CADM4: variants seen among roughly 807,000 people sequenced by gnomAD.
CADM4 encodes the protein cell adhesion molecule 4, also known as TSLC1-like 2.
CADM4 carries 13 observed loss-of-function variants against 43.9 expected under a neutral mutation model. The ratio of observed to expected loss-of-function variants is 0.30; its 90% confidence interval spans 0.19 to 0.47. CADM4 has a LOEUF of 0.47. CADM4 is among the 20% of genes least tolerant of loss of function. The probability of loss-of-function intolerance (pLI) is 1.00; values close to 1 mark genes in which losing one functional copy is unlikely to be tolerated. For missense variants in CADM4, 420 were observed against 527.0 expected, an observed-to-expected ratio of 0.80 and a Z score of 1.99; for synonymous variants, 209 against 220.9, an observed-to-expected ratio of 0.95 and a Z score of 0.48.
Position 43,626,147 on chromosome 19 carries a change from G to C in CADM4, c.641C>G (p.Thr214Arg). Reference sequence around the variant, plus strand: ...ACACTGCACATCCAGCACGTACTGCGTCTGCTTGCTGTGTCCGGAGGGCAG... The same window carrying C: ...ACACTGCACATCCAGCACGTACTGCCTCTGCTTGCTGTGTCCGGAGGGCAG... ...QALPSGHSKQ[T>R]QYVLDVQYSP... The change falls in exon 5 of 9, where the codon ACG becomes AGG. Residue 214 changes from threonine (T) to arginine (R), a missense_variant. Transcript: ENST00000222374. This position sits in a 1 kb window ranked among gnomAD's most constrained non-coding sequence, Gnocchi z 5.9. 1 of 1,613,936 alleles carries C rather than the reference G, an allele frequency of 6.2e-7. No homozygotes were observed. The highest frequency in any genetic ancestry group is 2.2e-5 in the East Asian group (1 of 44,872).
Position 43,623,752 on chromosome 19 carries a change from T to C in CADM4, c.1058-313A>G, listed in dbSNP as rs1324597220. 3.3e-5 allele frequency among the ~76,000 whole-genome samples: 5 copies of C among 152,158 alleles called. No individual in the cohort carries two copies. The highest frequency in any genetic ancestry group is 2.6e-4 in the Admixed American group (4 of 15,282). On this transcript the variant is annotated intron_variant, in intron 8 of 8. Transcript: ENST00000222374. This position sits in a 1 kb window ranked among gnomAD's most constrained non-coding sequence, Gnocchi z 4.4. Reference sequence around the variant, plus strand: ...ATTGTTTTATTCAAATCCATGCTCTTTTTTTCCCCTAATTTTTTGTATTTT... The same window carrying C: ...ATTGTTTTATTCAAATCCATGCTCTCTTTTTCCCCTAATTTTTTGTATTTT...
In CADM4 at chr19:43,627,939, TC is replaced by T; in HGVS notation, c.65-150del. 1.3e-6 allele frequency: 1 copy of T among 784,886 alleles called. No individual in the cohort carries two copies. 48.6% of individuals were successfully genotyped at this position (784,886 alleles called of 1,614,324 possible). ...ACTGAACATTTCCTGCAGGCTAGAG[TC>T]CAGGACAGGGAGGAAATCTGCTCCC... On this transcript the variant is annotated intron_variant, in intron 1 of 8. Coordinates refer to ENST00000222374, the MANE Select transcript of CADM4 (RefSeq NM_145296.2). This position sits in a 1 kb window ranked among gnomAD's most constrained non-coding sequence, Gnocchi z 4.0.
At chr19:43,636,726 A>G (rs1460711111) in intron 1 of CADM4, among the ~76,000 whole-genome samples, 1 of 126,674 alleles carries the variant, frequency 7.9e-6, no homozygotes, top group Non-Finnish European at 1.6e-5. Context: ...CTTGGAATCC[A>G]CTGCAGAACC....
chr19:43,627,615 G>A lies in CADM4; in HGVS notation c.211+29C>T. The A allele has an allele frequency of 6.3e-7, 1 of 1,597,566 alleles. No homozygotes were observed. Among genetic ancestry groups the A allele is most frequent in the Non-Finnish European group, 8.6e-7 (1 of 1,166,954 alleles). The stretch of plus-strand genomic sequence containing the variant: ...GGGCCCCAGCCCTCTCTTCCTTTAA[G>A]ACTCCTGAGTCTGGTCCCCAGCACT... On this transcript the variant is annotated intron_variant, in intron 2 of 8. Coordinates refer to ENST00000222374, the MANE Select transcript of CADM4 (RefSeq NM_145296.2). The surrounding 1 kb of genome is among the most constrained non-coding windows in gnomAD (Gnocchi z 4.0).
rs560913380 is a variant in CADM4 at position 43,624,940 on chromosome 19, G to C, written c.928+138C>G. The stretch of plus-strand genomic sequence containing the variant: ...TGCAGCCAACCCGAATTTGAGCCCC[G>C]CGGGCCAGTCTGGTCCCAAAACAAA... On this transcript the variant is annotated intron_variant, in intron 7 of 8. Coordinates refer to ENST00000222374, the MANE Select transcript of CADM4 (RefSeq NM_145296.2). 2,600 of 927,454 alleles carry C rather than the reference G, an allele frequency of 2.8e-3. 6 individuals are homozygous for C. The highest frequency in any genetic ancestry group is 3.7e-3 in the Non-Finnish European group (2,342 of 634,028). The allele number at this position is 927,454 out of a possible 1,614,324, so 57.5% of individuals were successfully genotyped here. A position where few individuals can be genotyped will look rare whatever the true frequency, so the allele number is the denominator to read the frequency against.
Position 43,624,645 on chromosome 19 carries a change from AAC to A in CADM4, c.929-405_929-404del, listed in dbSNP as rs1433315445. Among the ~76,000 whole-genome samples, 4 of 152,240 alleles carry A rather than the reference AAC, an allele frequency of 2.6e-5. No homozygotes were observed. In the East Asian group the frequency reaches 7.7e-4, roughly 29 times the overall value. On this transcript the variant is annotated intron_variant, in intron 7 of 8. Transcript: ENST00000222374. ...ACTCAAGTTTCTTCCTCCACTAAGA[AAC>A]AGAGTCCAAGAAACAGGTCCAAGTC... is the stretch of plus-strand genomic sequence containing the variant.
chr19:43,623,465 C>T lies in CADM4; in HGVS notation c.1058-26G>A, dbSNP rs779937946. On this transcript the variant is annotated intron_variant, in intron 8 of 8. Transcript: ENST00000222374. The surrounding 1 kb of genome is among the most constrained non-coding windows in gnomAD (Gnocchi z 4.4). ...CTGAGGGGGTGACAGACCCCCGGGGCAGGGGGGACATATTTGTGGATCCAG... is the reference window on the plus strand; with the variant it reads ...CTGAGGGGGTGACAGACCCCCGGGGTAGGGGGGACATATTTGTGGATCCAG... 3.5e-6 allele frequency: 5 copies of T among 1,421,550 alleles called. No individual in the cohort carries two copies. The highest frequency in any genetic ancestry group is 1.8e-4 in the Middle Eastern group (1 of 5,698). 88.1% of individuals were successfully genotyped at this position (1,421,550 alleles called of 1,614,324 possible).
upstream of CADM4, among the ~76,000 whole-genome samples, chr19:43,640,967 C>A (rs1317766067): frequency 6.8e-6 from 1 of 146,314 alleles, no homozygotes; most frequent in African/African-American, 2.5e-5. Context: ...TCTTTCCTTC[C>A]CCCCTCCCCC....
chr19:43,624,677 C>T (rs1973493520), intron 7 of CADM4, among the ~76,000 whole-genome samples: 2 of 152,194 alleles, frequency 1.3e-5, no homozygotes, highest in Non-Finnish European at 2.9e-5. Context: ...CAAGTCCCTT[C>T]CCACCTTGTC....
chr19:43,633,214 T>C (rs557856935), intron 1 of CADM4, among the ~76,000 whole-genome samples: 1 of 151,916 alleles, frequency 6.6e-6, no homozygotes, highest in South Asian at 2.1e-4. Flanking sequence ...GCTGAGATTA[T>C]AGGCTCCTCC....
At position 43,625,600 on chromosome 19, in the gene CADM4, A is replaced by AATT. The variant is rs1008277525; in HGVS notation, c.755+308_755+310dup. Among the ~76,000 whole-genome samples the AATT allele has an allele frequency of 1.4e-4, 21 of 151,810 alleles. No individual in the cohort carries two copies. The highest frequency in any genetic ancestry group is 2.8e-4 in the Non-Finnish European group (19 of 67,922). On this transcript the variant is annotated intron_variant, in intron 6 of 8. Coordinates refer to ENST00000222374, the MANE Select transcript of CADM4 (RefSeq NM_145296.2). The surrounding 1 kb of genome is among the most constrained non-coding windows in gnomAD (Gnocchi z 4.5). ...AAAAAATAATAATAATAATAATAAT[A>AATT]ATTCTAGCCCTCCCACGCCATTCCA... is the stretch of plus-strand genomic sequence containing the variant.
Position 43,639,793 on chromosome 19 carries a change from T to TGCCGCC in CADM4, c.-9_-4dup, listed in dbSNP as rs775584890. Reference sequence around the variant, plus strand: ...TGGAAGCGCCGGGCCCGGCCCATGGTGCCGCCGCCGCCGCCGCCGCCGCTC... The same window carrying TGCCGCC: ...TGGAAGCGCCGGGCCCGGCCCATGGTGCCGCCGCCGCCGCCGCCGCCGCCGCCGCTC... On this transcript the variant is annotated 5_prime_UTR_variant, in exon 1 of 9. Coordinates refer to ENST00000222374, the MANE Select transcript of CADM4 (RefSeq NM_145296.2). 9.7e-5 allele frequency: 97 copies of TGCCGCC among 997,340 alleles called. No individual in the cohort carries two copies. In the East Asian group the frequency reaches 1.2e-3, roughly 13 times the overall value. The allele number at this position is 997,340 out of a possible 1,614,324, so 61.8% of individuals were successfully genotyped here.
rs1600094959 is a variant in CADM4, at chr19:43,625,262, T to C, written c.756-12A>G. On this transcript the variant is annotated splice_polypyrimidine_tract_variant and intron_variant, in intron 6 of 8. Transcript: ENST00000222374. This position sits in a 1 kb window ranked among gnomAD's most constrained non-coding sequence, Gnocchi z 4.5. ...GGATCTGGTTTGGCCTGGGTGGGGA[T>C]AAAGTATAGTGAGAGTTAGGAACCG... 1.2e-6 allele frequency: 2 copies of C among 1,611,732 alleles called. No individual in the cohort carries two copies. The highest frequency in any genetic ancestry group is 1.7e-6 in the Non-Finnish European group (2 of 1,178,660).
chr19:43,628,860 G>C (rs1973574078), intron 1 of CADM4, among the ~76,000 whole-genome samples: 3 of 152,154 alleles, frequency 2.0e-5, no homozygotes, highest in Non-Finnish European at 4.4e-5. Flanking sequence ...GGCCATCCTG[G>C]ATCATCCAGC....
intron 1 of CADM4, among the ~76,000 whole-genome samples, chr19:43,639,354 G>A (rs1973741297): frequency 1.3e-5 from 2 of 151,176 alleles, no homozygotes; most frequent in African/African-American, 4.8e-5. Flanking sequence ...AGAGGACAAG[G>A]GTAGGGGGAC....
chr19:43,626,084 G>A lies in CADM4; in HGVS notation c.664+40C>T, dbSNP rs757291986. 1.9e-6 allele frequency: 3 copies of A among 1,611,828 alleles called. No individual in the cohort carries two copies. The highest frequency in any genetic ancestry group is 1.3e-5 in the African/African-American group (1 of 74,846). On this transcript the variant is annotated intron_variant, in intron 5 of 8. Transcript: ENST00000222374. This position sits in a 1 kb window ranked among gnomAD's most constrained non-coding sequence, Gnocchi z 5.9. The stretch of plus-strand genomic sequence containing the variant: ...GGACCCTCGCGGGTGCGGGTGGCTG[G>A]CGTTGGGATCCCTTGGGTCCTGGCC...
chr19:43,637,370 A>C (rs1973717781), intron 1 of CADM4, among the ~76,000 whole-genome samples: 1 of 152,158 alleles, frequency 6.6e-6, no homozygotes, highest in South Asian at 2.1e-4. Flanking sequence ...GAGAGCAGGA[A>C]GGGCCCTCCA....
rs1169072774 is a variant in CADM4, at chr19:43,626,830, A to C, written c.453T>G (p.Arg151=). The C allele has an allele frequency of 6.2e-7, 1 of 1,610,388 alleles. No homozygotes were observed. The highest frequency in any genetic ancestry group is 1.7e-4 in the Middle Eastern group (1 of 6,040). The change falls in exon 4 of 9, where the codon CGT becomes CGG. Residue 151 remains arginine, a synonymous_variant. Coordinates refer to ENST00000222374, the MANE Select transcript of CADM4 (RefSeq NM_145296.2). The surrounding 1 kb of genome is among the most constrained non-coding windows in gnomAD (Gnocchi z 5.9). ...VELSCLVPRS[R]PAATLRWYRD... ...GGTACCAGCGCAGGGTGGCAGCCGG[A>C]CGGGACCGCGGAACGAGGCAGCTGA...
Position 43,626,418 on chromosome 19 carries a change from C to T in CADM4, c.500-130G>A. ...CCCACAGGCCCCGCCTCTTGTCCTC[C>T]AAGCTACGCCCCTCCCCTAACCAAG... On this transcript the variant is annotated intron_variant, in intron 4 of 8. Coordinates refer to ENST00000222374, the MANE Select transcript of CADM4 (RefSeq NM_145296.2). The surrounding 1 kb of genome is among the most constrained non-coding windows in gnomAD (Gnocchi z 5.9). 8.7e-7 allele frequency: 1 copy of T among 1,146,146 alleles called. No individual in the cohort carries two copies. Among genetic ancestry groups the T allele is most frequent in the Non-Finnish European group, 1.2e-6 (1 of 812,608 alleles). 71.0% of individuals were successfully genotyped at this position (1,146,146 alleles called of 1,614,324 possible).
Sources: gnomAD v4.1 joint callset for allele counts (sites outside exome capture counted in the v4.1 genomes callset) on GRCh38, gnomAD v4.1.1 for gene constraint, Gnocchi (gnomAD v3.1) non-coding constraint, MANE v1.5 for transcripts, NCBI Gene and HGNC (gene_info 2026-07-23, HGNC 2026-07-21) for gene names.